Variants in NISCH observed in about 807,000 individuals in gnomAD.
The protein encoded by NISCH is nischarin, also known as I-1 receptor candidate protein.
NISCH carries 55 observed loss-of-function variants against 138.4 expected under a neutral mutation model. The observed-to-expected ratio is 0.40, with a 90% CI of 0.32 to 0.50. The LOEUF (loss-of-function observed/expected upper bound fraction) is 0.50, where lower values mean the gene tolerates loss of function less well. Ranked by LOEUF, NISCH falls within the 20% of genes least tolerant of loss-of-function variation. The pLI, the probability that NISCH is intolerant of heterozygous loss-of-function variation, is 0.71. For missense variants in NISCH, 1,643 were observed against 2,005.5 expected (o/e 0.82, Z 3.45); for synonymous variants, 860 against 861.5 (o/e 1.00, Z 0.03).
rs1354526535 is a variant in NISCH at position 52,488,235 on chromosome 3, C to A, written c.2743C>A (p.Gln915Lys). The change falls in exon 16 of 21, where the codon CAG (glutamine) becomes AAG (lysine). Residue 915 changes from glutamine (Q) to lysine (K), a missense_variant. By Grantham distance (53) the Gln-to-Lys change is moderately conservative. Coordinates refer to ENST00000345716, the MANE Select transcript of NISCH (RefSeq NM_007184.4). ...AIPYWLLLTP[Q>K]HLNVIKADFN... The stretch of plus-strand genomic sequence containing the variant: ...CCCCTACTGGCTGTTGCTCACGCCC[C>A]AGCACCTCAACGTCATCAAGGCCGA... 1 of 1,611,842 alleles carries A rather than the reference C, an allele frequency of 6.2e-7. No homozygotes were observed. Among genetic ancestry groups the A allele is most frequent in the South Asian group, 1.1e-5 (1 of 91,084 alleles).
At chr3:52,457,405 G>A (rs920684507) in intron 1 of NISCH, among the ~76,000 whole-genome samples, 4 of 152,242 alleles carry the variant, frequency 2.6e-5, no homozygotes, top group Non-Finnish European at 5.9e-5. Context: ...CACCTGGAAA[G>A]AAGTACAACA....
At chr3:52,480,870 T>C (rs1485228839) in intron 13 of NISCH, 2 of 1,535,060 alleles carry the variant, frequency 1.3e-6, no homozygotes, top group Non-Finnish European at 1.7e-6. Context: ...CTTTCACCTC[T>C]GAACCCAGGC....
At position 52,481,156 on chromosome 3, in the gene NISCH, G is replaced by A. The variant is rs1011160088; in HGVS notation, c.1528+861G>A. The A allele has an allele frequency of 9.8e-6, 12 of 1,225,086 alleles. No individual in the cohort carries two copies. In the African/African-American group the frequency reaches 1.1e-4, roughly 11 times the overall value. The allele number at this position is 1,225,086 out of a possible 1,614,324, so 75.9% of individuals were successfully genotyped here. A position where few individuals can be genotyped will look rare whatever the true frequency, so the allele number is the denominator to read the frequency against. ...TTCTCTTAGAGGGATAAGATACCGGGAAGGGGAGGTGAAATGCTCACCACT... is the reference window on the plus strand; with the variant it reads ...TTCTCTTAGAGGGATAAGATACCGGAAAGGGGAGGTGAAATGCTCACCACT... On this transcript the variant is annotated intron_variant, in intron 13 of 20. Transcript: ENST00000345716.
At chr3:52,480,523 C>T in intron 13 of NISCH, 1 of 1,504,622 alleles carries the variant, frequency 6.6e-7, no homozygotes, top group East Asian at 2.5e-5. Context: ...GCTCTGATGC[C>T]CACATCCAGC....
chr3:52,480,022 CTG>C, intron 12 of NISCH, 160 bp downstream of exon 12: 1 of 969,550 alleles, frequency 1.0e-6, no homozygotes, highest in Non-Finnish European at 1.6e-6. Flanking sequence ...TCTCTGTTCT[CTG>C]TGGGGTGGGG....
At chr3:52,482,006 T>G (rs1707289333) in intron 13 of NISCH, 2 of 794,046 alleles carry the variant, frequency 2.5e-6, no homozygotes, top group Non-Finnish European at 3.1e-6. Context: ...TGAGTGCCCT[T>G]TCTGACCACT....
chr3:52,492,147 G>A lies in NISCH; in HGVS notation c.4180G>A (p.Glu1394Lys), dbSNP rs369843789. 14 of 1,612,968 alleles carry A rather than the reference G, an allele frequency of 8.7e-6. No individual in the cohort carries two copies. The African/African-American group carries it at 9.3e-5, about 11-fold the overall frequency. ...GGACTGTGTCCACTACCCACTGCCC[G>A]AGTTTGCCAAAGAGCCGCCGCAGAG... is the stretch of plus-strand genomic sequence containing the variant. Reference protein sequence around the residue: ...DEDCVHYPLPEFAKEPPQRDR... With the variant: ...DEDCVHYPLPKFAKEPPQRDR... Residue 1394 changes from glutamate to lysine, a missense_variant, in exon 21 of 21, where the codon GAG (glutamate) becomes AAG (lysine). Coordinates refer to ENST00000345716, the MANE Select transcript of NISCH (RefSeq NM_007184.4).
rs751780117 is a variant in NISCH, at chr3:52,488,155, C to A, written c.2663C>A (p.Ser888Ter). ...NIEWASCTLC[S>*]AVRRSCCAPS... is the part of the protein sequence containing the mutation. Reference sequence around the variant, plus strand: ...GAGTGGGCCAGCTGCACACTCTGTTCAGCCGTGCGGCGCTCCTGCTGCGCG... The same window carrying A: ...GAGTGGGCCAGCTGCACACTCTGTTAAGCCGTGCGGCGCTCCTGCTGCGCG... The change falls in exon 16 of 21, where the codon TCA becomes TAA. Residue 888 changes from serine to a stop codon, truncating the protein, a stop_gained. Coordinates refer to ENST00000345716, the MANE Select transcript of NISCH (RefSeq NM_007184.4). LOFTEE classifies it high-confidence loss of function. 1 of 1,613,318 alleles carries A rather than the reference C, an allele frequency of 6.2e-7. No individual in the cohort carries two copies. The highest frequency in any genetic ancestry group is 2.2e-5 in the East Asian group (1 of 44,866).
At chr3:52,488,639 G>T (rs1707476918) in intron 16 of NISCH, 34 bp downstream of exon 16, 1 of 1,546,564 alleles carries the variant, frequency 6.5e-7, no homozygotes, top group Non-Finnish European at 8.8e-7. Context: ...GGGCCCCGGG[G>T]GCATGGGTCT....
chr3:52,491,792 G>C (rs1271623571), intron 20 of NISCH, 80 bp from the exon 21 acceptor site: 5 of 1,492,940 alleles, frequency 3.3e-6, no homozygotes, highest in Non-Finnish European at 4.5e-6. Flanking sequence ...GGGGTCTCTC[G>C]GTTGGCTTGG....
At chr3:52,470,596 C>A in intron 3 of NISCH, 1 of 549,004 alleles carries the variant, frequency 1.8e-6, no homozygotes, top group South Asian at 2.2e-5. Context: ...CTACAGTGCC[C>A]TTGGCCCTAT....
At position 52,480,255 on chromosome 3, in the gene NISCH, C is replaced by T. The variant is rs71297399; in HGVS notation, c.1488C>T (p.Pro496=). Residue 496 remains proline, a synonymous_variant, in exon 13 of 21, where the codon CCC becomes CCT. Transcript: ENST00000345716. ...GCAGCTCCCCTCCCACTGTGGCTCC[C>T]GCATCTGCCTCCCTGCCCCAGCCCA... ...RPSSSPPTVA[P]ASASLPQPIL... 3.5e-3 allele frequency: 5,648 copies of T among 1,613,932 alleles called. 22 individuals carry two copies. The highest frequency in any genetic ancestry group is 6.6e-3 in the Admixed American group (397 of 60,024).
intron 12 of NISCH, 67 bp downstream of exon 12, chr3:52,479,929 G>T: frequency 7.8e-7 from 1 of 1,289,578 alleles, no homozygotes; most frequent in East Asian, 2.4e-5. Flanking sequence ...CAGTTTGGGG[G>T]GCTTGGGCCA....
At chr3:52,476,288 C>T in intron 7 of NISCH, 159 bp from the exon 8 acceptor site, 3 of 730,344 alleles carry the variant, frequency 4.1e-6, no homozygotes, top group East Asian at 2.7e-5. Context: ...ATTTCACAAT[C>T]GTTTAAAGAC....
intron 3 of NISCH, among the ~76,000 whole-genome samples, chr3:52,462,813 T>C (rs1011165857): frequency 2.6e-5 from 4 of 152,118 alleles, no homozygotes; most frequent in African/African-American, 9.7e-5. Flanking sequence ...ATTTTTTGTA[T>C]TTTTAGTAGA....
Position 52,487,898 on chromosome 3 carries a change from G to A in NISCH, c.2406G>A (p.Glu802=). The change falls in exon 16 of 21, where the codon GAG becomes GAA. Residue 802 remains glutamate (E), a synonymous_variant. Transcript: ENST00000345716. This position sits in a 1 kb window ranked among gnomAD's most constrained non-coding sequence, Gnocchi z 9.1. The stretch of plus-strand genomic sequence containing the variant: ...TCTCGGACGCCGCCAACCTGCACGA[G>A]TTCCACGCGGACCTGCGCTCATGCT... The part of the protein sequence containing the change: ...FIISDAANLH[E]FHADLRSCFA... 2 of 1,611,894 alleles carry A rather than the reference G, an allele frequency of 1.2e-6. No individual in the cohort carries two copies. The highest frequency in any genetic ancestry group is 1.7e-6 in the Non-Finnish European group (2 of 1,179,934).
intron 1 of NISCH, among the ~76,000 whole-genome samples, chr3:52,456,286 G>A (rs1706467413): frequency 6.6e-6 from 1 of 152,076 alleles, no homozygotes; most frequent in African/African-American, 2.4e-5. Context: ...GGGGTCGGGC[G>A]GAGACAAGAC....
rs1462365868 is a variant in NISCH at position 52,475,126 on chromosome 3, G to A, written c.765+1297G>A. Among the ~76,000 whole-genome samples the A allele has an allele frequency of 2.0e-5, 3 of 152,042 alleles. No individual in the cohort carries two copies. The East Asian group carries it at 5.8e-4, about 29-fold the overall frequency. On this transcript the variant is annotated intron_variant, in intron 7 of 20. Transcript: ENST00000345716. Reference sequence around the variant, plus strand: ...AATCCCGGCATTTTGGGAGGCCAAGGCAGGAGGATTCCTTGAGCCTAGGAG... The same window carrying A: ...AATCCCGGCATTTTGGGAGGCCAAGACAGGAGGATTCCTTGAGCCTAGGAG...
In NISCH at chr3:52,487,307, C is replaced by A; in HGVS notation, c.1815C>A (p.Arg605=). The part of the protein sequence containing the change: ...YTATNQDFIQ[R]LSTLIRQAIE... ...CCACCAATCAGGACTTCATCCAGCG[C>A]CTGAGCACACTGATCCGGCAGGCCA... Residue 605 remains arginine, a synonymous_variant, in exon 16 of 21, where the codon CGC becomes CGA. Coordinates refer to ENST00000345716, the MANE Select transcript of NISCH (RefSeq NM_007184.4). The surrounding 1 kb of genome is among the most constrained non-coding windows in gnomAD (Gnocchi z 9.1). 1 of 1,614,186 alleles carries A rather than the reference C, an allele frequency of 6.2e-7. No homozygotes were observed. The highest frequency in any genetic ancestry group is 8.5e-7 in the Non-Finnish European group (1 of 1,180,050).
Sources: gnomAD v4.1 joint callset for allele counts (sites outside exome capture counted in the v4.1 genomes callset) on GRCh38, gnomAD v4.1.1 for gene constraint, Gnocchi (gnomAD v3.1) non-coding constraint, MANE v1.5 for transcripts, NCBI Gene and HGNC (gene_info 2026-07-23, HGNC 2026-07-21) for gene names.